The following TXNDC11 variants were observed in gnomAD, a reference collection of about 807,000 sequenced individuals.
TXNDC11 encodes the protein thioredoxin domain containing 11.
A neutral mutation model predicts 78.0 loss-of-function variants in TXNDC11; 68 were observed. That is an observed-to-expected ratio of 0.87 (90% CI 0.72 to 1.07). TXNDC11 has a LOEUF of 1.07. TXNDC11 is among the 50% of genes least tolerant of loss of function. TXNDC11 has a pLI of 0.00. For missense variants in TXNDC11, 1,389 were observed against 1,221.8 expected (o/e 1.14, Z -2.04); for synonymous variants, 571 against 495.2 (o/e 1.15, Z -2.03).
At chr16:11,695,523 G>C (rs958263491) in intron 7 of TXNDC11, among the ~76,000 whole-genome samples, 8 of 152,180 alleles carry the variant, frequency 5.3e-5, no homozygotes, top group Non-Finnish European at 8.8e-5. Context: ...CTCATCTTGC[G>C]TAAGTACAGC....
rs1363475778 is a variant in TXNDC11, at chr16:11,679,717, G to C, written c.2355C>G (p.Thr785=). Residue 785 remains threonine, a synonymous_variant, in exon 12 of 12, where the codon ACC becomes ACG. Transcript: ENST00000283033. This position sits in a 1 kb window ranked among gnomAD's most constrained non-coding sequence, Gnocchi z 4.6. The part of the protein sequence containing the change: ...SSPQNVANSP[T]KECLQSEAVL... ...CTGCCTCGCTCTGAAGACACTCCTT[G>C]GTAGGAGAGTTAGCCACATTCTGGG... The C allele has an allele frequency of 6.2e-7, 1 of 1,614,160 alleles. No homozygotes were observed. The highest frequency in any genetic ancestry group is 2.2e-5 in the East Asian group (1 of 44,874).
intron 4 of TXNDC11, among the ~76,000 whole-genome samples, chr16:11,725,514 T>C (rs914375229): frequency 1.1e-4 from 17 of 152,194 alleles, no homozygotes; most frequent in African/African-American, 3.6e-4. Flanking sequence ...CTTAAATATT[T>C]CTTTGAGGAA....
At position 11,698,147 on chromosome 16, in the gene TXNDC11, T is replaced by C; in HGVS notation, c.1085A>G (p.Glu362Gly). ...TACCTCGTCTATTAAAGGATGACTT[T>C]CGGCCAGGGGATTAAAAGGTATGAA... The part of the protein sequence containing the change: ...FLFIPFNPLA[E>G]SHPLIDEITE... Residue 362 changes from glutamate (E) to glycine (G), a missense_variant, in exon 7 of 12, where the codon GAA becomes GGA. Physicochemically the swap from Glu to Gly is moderately conservative, Grantham distance 98. Transcript: ENST00000283033. 3.1e-6 allele frequency: 5 copies of C among 1,614,268 alleles called. No individual in the cohort carries two copies. The highest frequency in any genetic ancestry group is 4.2e-6 in the Non-Finnish European group (5 of 1,180,050).
At chr16:11,690,429 C>G (rs2050678767) in intron 8 of TXNDC11, among the ~76,000 whole-genome samples, 1 of 152,314 alleles carries the variant, frequency 6.6e-6, no homozygotes, top group Middle Eastern at 3.4e-3. Context: ...TACCCCAGGT[C>G]CCAGCAATAT....
intron 5 of TXNDC11, among the ~76,000 whole-genome samples, chr16:11,715,206 C>T (rs952677788): frequency 6.6e-6 from 1 of 152,028 alleles, no homozygotes. Context: ...GAGCAGAGAA[C>T]GGATGTCTCA....
intron 4 of TXNDC11, among the ~76,000 whole-genome samples, chr16:11,723,236 G>T (rs1413297329): frequency 6.6e-6 from 1 of 151,604 alleles, no homozygotes; most frequent in Non-Finnish European, 1.5e-5. Flanking sequence ...CCAGCAGGTG[G>T]GGGAGAGAGC....
chr16:11,698,022 G>C, intron 7 of TXNDC11, 103 bp downstream of exon 7: 1 of 1,087,006 alleles, frequency 9.2e-7, no homozygotes, highest in Non-Finnish European at 1.4e-6. Context: ...CCTCGTGGCA[G>C]CCATTAGCTG....
chr16:11,687,343 C>G (rs1402407740), intron 10 of TXNDC11, among the ~76,000 whole-genome samples: 1 of 151,062 alleles, frequency 6.6e-6, no homozygotes, highest in Non-Finnish European at 1.5e-5. Flanking sequence ...CATCTAAAGA[C>G]TCTGTATTTG....
intron 1 of TXNDC11, among the ~76,000 whole-genome samples, chr16:11,741,490 C>T (rs558041171): frequency 6.6e-6 from 1 of 152,188 alleles, no homozygotes; most frequent in Non-Finnish European, 1.5e-5. Flanking sequence ...CTCAGAAACT[C>T]TGCATTTGCT....
intron 10 of TXNDC11, among the ~76,000 whole-genome samples, chr16:11,687,166 T>G (rs1255288683): frequency 1.3e-5 from 2 of 152,214 alleles, no homozygotes; most frequent in African/African-American, 4.8e-5. Flanking sequence ...TCTCTTTATT[T>G]TTCCAACTGC....
intron 1 of TXNDC11, among the ~76,000 whole-genome samples, chr16:11,738,920 G>C (rs1189731471): frequency 6.6e-6 from 1 of 152,138 alleles, no homozygotes; most frequent in Non-Finnish European, 1.5e-5. Context: ...CCAGCCACTT[G>C]GGAGGCTGAG....
intron 5 of TXNDC11, among the ~76,000 whole-genome samples, chr16:11,704,014 C>T (rs560792779): frequency 1.4e-3 from 218 of 152,264 alleles, no homozygotes; most frequent in African/African-American, 4.9e-3. Context: ...ATTGCTTGAA[C>T]CCGGGAGGTG....
intron 5 of TXNDC11, among the ~76,000 whole-genome samples, chr16:11,710,494 T>A (rs1475572102): frequency 6.6e-6 from 1 of 152,230 alleles, no homozygotes; most frequent in Non-Finnish European, 1.5e-5. Flanking sequence ...ATGGGGAACC[T>A]GAAACCTGAA....
intron 10 of TXNDC11, among the ~76,000 whole-genome samples, chr16:11,685,277 G>A (rs2050535164): frequency 6.6e-6 from 1 of 152,040 alleles, no homozygotes; most frequent in African/African-American, 2.4e-5. Context: ...CCTGAACCTG[G>A]GAGGTTGGGG....
At chr16:11,710,042 C>T (rs8044903) in intron 5 of TXNDC11, among the ~76,000 whole-genome samples, 67,649 of 151,834 alleles carry the variant, frequency 0.45, 15,513 homozygotes, top group Middle Eastern at 0.57. Flanking sequence ...ACTCGGGAGG[C>T]TGAGGCAGGA....
chr16:11,714,989 G>A lies in TXNDC11; in HGVS notation c.793+6588C>T, dbSNP rs192201380. 2.0e-4 allele frequency among the ~76,000 whole-genome samples: 31 copies of A among 152,286 alleles called. No individual in the cohort carries two copies. The East Asian group carries it at 4.6e-3, about 23-fold the overall frequency. On this transcript the variant is annotated intron_variant, in intron 5 of 11. Coordinates refer to ENST00000283033, the MANE Select transcript of TXNDC11 (RefSeq NM_015914.7). The stretch of plus-strand genomic sequence containing the variant: ...AGTGTGGCCGGGCGTGGTGGCTCAC[G>A]CCTGTAATCCCAGCACTTTGGGAGG...
chr16:11,692,946 C>A (rs924614668), intron 7 of TXNDC11, among the ~76,000 whole-genome samples: 8 of 152,176 alleles, frequency 5.3e-5, no homozygotes, highest in Admixed American at 1.3e-4. Flanking sequence ...AGCACCAGGG[C>A]AGCTGCTTCA....
chr16:11,707,814 G>T (rs140478723), intron 5 of TXNDC11, among the ~76,000 whole-genome samples: 1 of 152,030 alleles, frequency 6.6e-6, no homozygotes, highest in Admixed American at 6.6e-5. Context: ...GGGTATGGTA[G>T]CTCACATCTA....
chr16:11,735,796 G>A (rs1047480559), intron 2 of TXNDC11, among the ~76,000 whole-genome samples: 2 of 152,192 alleles, frequency 1.3e-5, no homozygotes, highest in East Asian at 1.9e-4. Flanking sequence ...ATTGGCTTGT[G>A]TTATGAGATT....
Sources: allele counts gnomAD v4.1 joint callset (sites outside exome capture counted in the v4.1 genomes callset), GRCh38; gene constraint gnomAD v4.1.1; non-coding constraint Gnocchi (gnomAD v3.1); transcripts MANE v1.5; gene names NCBI Gene and HGNC (gene_info 2026-07-23, HGNC 2026-07-21).